STEEP1: variants seen among roughly 807,000 people sequenced by gnomAD.
STEEP1 encodes STING1 ER exit protein 1.
In STEEP1, 3 loss-of-function variants were observed where a neutral mutation model predicts 19.2. The observed-to-expected ratio is 0.16, with a 90% CI of 0.07 to 0.40. STEEP1 has a LOEUF of 0.40. Among genes scored for constraint, STEEP1 ranks in the 10% least tolerant of loss-of-function variants. STEEP1 has a pLI of 0.99. For missense variants in STEEP1, 54 were observed against 177.1 expected (o/e 0.30, Z 3.94); for synonymous variants, 46 against 63.7 (o/e 0.72, Z 1.32).
rs373151484 is a variant in STEEP1, at chrX:119,542,625, G to A, written c.424-31C>T. The A allele has an allele frequency of 7.5e-6, 8 of 1,068,508 alleles. No homozygotes were observed. The Admixed American group carries it at 8.8e-5, about 12-fold the overall frequency. 88.1% of individuals were successfully genotyped at this position (1,068,508 alleles called of 1,213,427 possible). A position where few individuals can be genotyped will look rare whatever the true frequency, so the allele number is the denominator to read the frequency against. ...GTGGCAGGCAAGAAGAAGTCAGTCCGGTTCACCAAAACAGGATCCATGAGC... is the reference window on the plus strand; with the variant it reads ...GTGGCAGGCAAGAAGAAGTCAGTCCAGTTCACCAAAACAGGATCCATGAGC... On this transcript the variant is annotated intron_variant, in intron 4 of 6. Coordinates refer to ENST00000644802, the MANE Select transcript of STEEP1 (RefSeq NM_022101.4).
chrX:119,544,743 C>A (rs747960072), intron 3 of STEEP1, among the ~76,000 whole-genome samples: 2 of 111,512 alleles, frequency 1.8e-5, no homozygotes, highest in South Asian at 7.5e-4. Flanking sequence ...GAGTTCAAGA[C>A]CAGCCTGGCC....
chrX:119,560,507 C>T, intron 1 of STEEP1, 122 bp from the exon 2 acceptor site: 1 of 492,134 alleles, frequency 2.0e-6, no homozygotes, highest in South Asian at 3.3e-5. Context: ...ACTACAATTA[C>T]TATGCTTATT....
chrX:119,545,508 C>T lies in STEEP1; in HGVS notation c.243-4G>A. 8.6e-7 allele frequency: 1 copy of T among 1,156,485 alleles called. No homozygotes were observed. Among genetic ancestry groups the T allele is most frequent in the Non-Finnish European group, 1.2e-6 (1 of 846,542 alleles). ...CTGTCGTTCAATGCCTTCAGGTCTGCACAGAAAATGGAAGTTAAAAAGATA... is the reference window on the plus strand; with the variant it reads ...CTGTCGTTCAATGCCTTCAGGTCTGTACAGAAAATGGAAGTTAAAAAGATA... On this transcript the variant is annotated splice_region_variant and splice_polypyrimidine_tract_variant and intron_variant, in intron 2 of 6. Transcript: ENST00000644802.
At chrX:119,544,599 C>G (rs758128068) in intron 3 of STEEP1, 108 bp from the exon 4 acceptor site, 3 of 756,623 alleles carry the variant, frequency 4.0e-6, no homozygotes, top group Non-Finnish European at 5.8e-6. Context: ...GTGGCATAAA[C>G]TAATGACTGG....
chrX:119,564,816 A>G (rs192659180), intron 1 of STEEP1, among the ~76,000 whole-genome samples: 2 of 111,540 alleles, frequency 1.8e-5, no homozygotes, highest in African/African-American at 3.3e-5. Flanking sequence ...ATGGGGTTAT[A>G]GCTGGAGGGG....
At chrX:119,549,387 C>T (rs1385251794) in intron 2 of STEEP1, among the ~76,000 whole-genome samples, 1 of 111,578 alleles carries the variant, frequency 9.0e-6, no homozygotes, top group Non-Finnish European at 1.9e-5. Flanking sequence ...AAAATTAACA[C>T]ATCATATTGA....
chrX:119,542,368 T>C, intron 5 of STEEP1, 137 bp downstream of exon 5: 3 of 449,441 alleles, frequency 6.7e-6, no homozygotes, highest in Non-Finnish European at 1.2e-5. Flanking sequence ...ACCCAGCCCA[T>C]AGTTTCTTAT....
chrX:119,553,332 G>T lies in STEEP1; in HGVS notation c.242+6936C>A, dbSNP rs116475351. The stretch of plus-strand genomic sequence containing the variant: ...AGAATTTATAAGGCACACATTATAT[G>T]CACCTTTAGCTATACTGGATGTTGC... On this transcript the variant is annotated intron_variant, in intron 2 of 6. Transcript: ENST00000644802. Among the ~76,000 whole-genome samples, 918 of 111,597 alleles carry T rather than the reference G, an allele frequency of 8.2e-3. 11 individuals carry two copies. The highest frequency in any genetic ancestry group is 0.029 in the African/African-American group (890 of 30,796).
intron 2 of STEEP1, among the ~76,000 whole-genome samples, chrX:119,552,285 G>A (rs923228659): frequency 1.3e-4 from 15 of 111,614 alleles, no homozygotes; most frequent in African/African-American, 9.7e-5. Flanking sequence ...TGATCTGCCC[G>A]CTTCGGCCTC....
In STEEP1 at chrX:119,539,154, C is replaced by T. The variant is rs1603305174; in HGVS notation, c.*573G>A. The stretch of plus-strand genomic sequence containing the variant: ...CTCATCTATTCATAAAGTTTCTACA[C>T]AGCTGAAGAAGTTTGCATCAAGTGG... On this transcript the variant is annotated 3_prime_UTR_variant, in exon 7 of 7. Transcript: ENST00000644802. 1 of 112,156 alleles carries T rather than the reference C, an allele frequency of 8.9e-6. No individual in the cohort carries two copies. Among genetic ancestry groups the T allele is most frequent in the South Asian group, 3.7e-4 (1 of 2,729 alleles). 9.2% of individuals were successfully genotyped at this position (112,156 alleles called of 1,213,427 possible). A position where few individuals can be genotyped will look rare whatever the true frequency, so the allele number is the denominator to read the frequency against.
chrX:119,548,821 A>G (rs1410257598), intron 2 of STEEP1, among the ~76,000 whole-genome samples: 1 of 112,009 alleles, frequency 8.9e-6, no homozygotes, highest in East Asian at 2.8e-4. Flanking sequence ...CTAAATGTCT[A>G]TCAATGGCTA....
chrX:119,555,878 A>G (rs958312468), intron 2 of STEEP1, among the ~76,000 whole-genome samples: 5 of 111,758 alleles, frequency 4.5e-5, no homozygotes, highest in African/African-American at 1.6e-4. Flanking sequence ...CCACTGCATG[A>G]ATCCTGGTGT....
chrX:119,556,895 G>A (rs1381071316), intron 2 of STEEP1, among the ~76,000 whole-genome samples: 2 of 110,565 alleles, frequency 1.8e-5, no homozygotes, highest in Non-Finnish European at 3.8e-5. Context: ...AATACTTGAG[G>A]GGCAGGCAGA....
In STEEP1 at chrX:119,565,397, G is replaced by A. The variant is rs763106796; in HGVS notation, c.-42C>T. ...CTGAAAACTCTACGCCAAGAAGAGGGTCGCCCCGAAATGACGTCACGAGTG... is the reference window on the plus strand; with the variant it reads ...CTGAAAACTCTACGCCAAGAAGAGGATCGCCCCGAAATGACGTCACGAGTG... On this transcript the variant is annotated 5_prime_UTR_variant, in exon 1 of 7. Transcript: ENST00000644802. 2.8e-5 allele frequency: 30 copies of A among 1,077,872 alleles called. No individual in the cohort carries two copies. In the Middle Eastern group the frequency reaches 7.5e-4, roughly 27 times the overall value. 88.8% of individuals were successfully genotyped at this position (1,077,872 alleles called of 1,213,427 possible).
chrX:119,547,309 G>C (rs2053212828), intron 2 of STEEP1, among the ~76,000 whole-genome samples: 1 of 111,643 alleles, frequency 9.0e-6, no homozygotes, highest in Admixed American at 9.6e-5. Context: ...TCCTAGAAGT[G>C]TGTACATTTT....
intron 2 of STEEP1, among the ~76,000 whole-genome samples, chrX:119,557,038 C>T (rs2053283506): frequency 9.3e-6 from 1 of 107,109 alleles, no homozygotes; most frequent in Non-Finnish European, 1.9e-5. Context: ...CAACCGTAAT[C>T]CCAGCTACAT....
At position 119,564,505 on chromosome X, in the gene STEEP1, G is replaced by C. The variant is rs190925638; in HGVS notation, c.124+727C>G. On this transcript the variant is annotated intron_variant, in intron 1 of 6. Coordinates refer to ENST00000644802, the MANE Select transcript of STEEP1 (RefSeq NM_022101.4). ...AGTGAGACTCCATCTGAAAAAAAAGGGGGGGGGGAAATACGAGGTAGGAGG... is the reference window on the plus strand; with the variant it reads ...AGTGAGACTCCATCTGAAAAAAAAGCGGGGGGGGAAATACGAGGTAGGAGG... Among the ~76,000 whole-genome samples the C allele has an allele frequency of 2.5e-3, 245 of 96,886 alleles. 1 individual carries two copies. Among genetic ancestry groups the C allele is most frequent in the Non-Finnish European group, 2.2e-3 (106 of 48,889 alleles). 84.1% of individuals were successfully genotyped at this position (96,886 alleles called of 115,157 possible).
At chrX:119,564,110 G>C (rs2053340228) in intron 1 of STEEP1, among the ~76,000 whole-genome samples, 1 of 111,339 alleles carries the variant, frequency 9.0e-6, no homozygotes, top group Non-Finnish European at 1.9e-5. Flanking sequence ...GATCACCTAG[G>C]GGGTGGGTAC....
chrX:119,554,947 A>C (rs1569400649), intron 2 of STEEP1, among the ~76,000 whole-genome samples: 1 of 110,463 alleles, frequency 9.1e-6, no homozygotes, highest in Non-Finnish European at 1.9e-5. Flanking sequence ...TCTTTACAAA[A>C]AAAAATTAAA....
Sources: allele counts gnomAD v4.1 joint callset (sites outside exome capture counted in the v4.1 genomes callset), GRCh38; gene constraint gnomAD v4.1.1; transcripts MANE v1.5; gene names NCBI Gene and HGNC (gene_info 2026-07-23, HGNC 2026-07-21).